RSU1: variants seen among roughly 807,000 people sequenced by gnomAD.
RSU1 encodes Ras suppressor protein 1, also known as rsu-1.
A neutral mutation model predicts 31.1 loss-of-function variants in RSU1; 26 were observed. The observed-to-expected ratio is 0.84, with a 90% confidence interval of 0.61 to 1.16. The LOEUF (loss-of-function observed/expected upper bound fraction) is 1.16, where lower values mean the gene tolerates loss of function less well. Among genes scored for constraint, RSU1 ranks in the 50% most tolerant of loss-of-function variants. RSU1 has a pLI of 0.00. For missense variants in RSU1, 320 were observed against 339.1 expected, an observed-to-expected ratio of 0.94 and a Z score of 0.44; for synonymous variants, 164 against 136.3, an observed-to-expected ratio of 1.20 and a Z score of -1.41.
At chr10:16,610,906 T>C (rs1000476534) in intron 8 of RSU1, among the ~76,000 whole-genome samples, 2 of 152,166 alleles carry the variant, frequency 1.3e-5, no homozygotes, top group Admixed American at 1.3e-4. Context: ...CCCGTTTACC[T>C]AGAGATTTTC....
At chr10:16,700,545 CACATAG>C (rs1331784093) in intron 7 of RSU1, among the ~76,000 whole-genome samples, 2 of 152,184 alleles carry the variant, frequency 1.3e-5, no homozygotes, top group East Asian at 3.8e-4. Context: ...GGGACTCTCC[CACATAG>C]ACAAAGATTC....
intron 8 of RSU1, among the ~76,000 whole-genome samples, chr10:16,640,162 G>C (rs1182579010): frequency 6.6e-6 from 1 of 152,002 alleles, no homozygotes; most frequent in African/African-American, 2.4e-5. Context: ...GAGAGGGAGA[G>C]AAAGAGGATA....
intron 7 of RSU1, among the ~76,000 whole-genome samples, chr10:16,719,336 A>G (rs1836208416): frequency 6.6e-6 from 1 of 152,012 alleles, no homozygotes; most frequent in Non-Finnish European, 1.5e-5. Flanking sequence ...GAAAAACCCC[A>G]ATGTCATTCA....
In RSU1 at chr10:16,593,448, ATTC is replaced by A. The variant is rs1462614860; in HGVS notation, c.777_779del (p.Lys259del). ...GGCTGATCTTTTTCGATTTGTCATT[ATTC>A]TTCTTCGGTGGTTCTGGGTTGGCCT... On this transcript the variant is annotated inframe_deletion, in exon 9 of 9. Coordinates refer to ENST00000345264, the MANE Select transcript of RSU1 (RefSeq NM_012425.4). 2.5e-6 allele frequency: 4 copies of A among 1,614,066 alleles called. No individual in the cohort carries two copies. Among genetic ancestry groups the A allele is most frequent in the South Asian group, 1.1e-5 (1 of 91,064 alleles).
At chr10:16,709,068 A>C (rs777767065) in intron 7 of RSU1, among the ~76,000 whole-genome samples, 7 of 151,834 alleles carry the variant, frequency 4.6e-5, no homozygotes, top group Admixed American at 2.0e-4. Context: ...ATATGTATAC[A>C]TGTGCCATGC....
intron 8 of RSU1, among the ~76,000 whole-genome samples, chr10:16,622,677 T>A (rs1363094531): frequency 6.6e-6 from 1 of 152,194 alleles, no homozygotes; most frequent in Non-Finnish European, 1.5e-5. Context: ...CCCTGAAAGA[T>A]GAGCCTAAAT....
intron 7 of RSU1, among the ~76,000 whole-genome samples, chr10:16,737,136 G>A (rs554694393): frequency 2.6e-5 from 4 of 151,970 alleles, no homozygotes; most frequent in Admixed American, 6.6e-5. Flanking sequence ...GTAAGTTCTA[G>A]GAGAGGAGAG....
intron 2 of RSU1, among the ~76,000 whole-genome samples, chr10:16,815,826 G>A (rs1838516733): frequency 6.6e-6 from 1 of 152,206 alleles, no homozygotes; most frequent in South Asian, 2.1e-4. Flanking sequence ...CTGACTCTTA[G>A]AAGTAAAAGG....
At chr10:16,769,823 C>T (rs566313540) in intron 3 of RSU1, among the ~76,000 whole-genome samples, 2 of 152,308 alleles carry the variant, frequency 1.3e-5, no homozygotes, top group East Asian at 3.9e-4. Flanking sequence ...GAACTGATGA[C>T]ACGTGAAACA....
intron 8 of RSU1, among the ~76,000 whole-genome samples, chr10:16,638,529 C>T (rs939512555): frequency 6.6e-5 from 10 of 152,108 alleles, no homozygotes; most frequent in East Asian, 3.9e-4. Flanking sequence ...TCTTTGCTTC[C>T]GCACAAGGAC....
chr10:16,706,493 TA>T (rs1432340144), intron 7 of RSU1, among the ~76,000 whole-genome samples: 6 of 152,240 alleles, frequency 3.9e-5, no homozygotes, highest in Non-Finnish European at 8.8e-5. Flanking sequence ...CTATATACTC[TA>T]AATTTTAATC....
At chr10:16,750,035 T>C (rs1836942949) in intron 7 of RSU1, among the ~76,000 whole-genome samples, 1 of 152,202 alleles carries the variant, frequency 6.6e-6, no homozygotes, top group Admixed American at 6.5e-5. Context: ...TATGCCTCAG[T>C]GTCCTCATCT....
At chr10:16,757,125 GT>G (rs1837109902) in intron 4 of RSU1, among the ~76,000 whole-genome samples, 1 of 151,724 alleles carries the variant, frequency 6.6e-6, no homozygotes, top group African/African-American at 2.4e-5. Context: ...GCGTGTGTGT[GT>G]GTGGGCGTGT....
intron 8 of RSU1, among the ~76,000 whole-genome samples, chr10:16,625,702 A>G (rs967382131): frequency 1.3e-5 from 2 of 152,190 alleles, no homozygotes; most frequent in African/African-American, 4.8e-5. Flanking sequence ...AGGTAATGAG[A>G]AAGAAAGTGG....
intron 8 of RSU1, among the ~76,000 whole-genome samples, chr10:16,634,309 A>C (rs1010958336): frequency 3.9e-5 from 6 of 152,368 alleles, no homozygotes; most frequent in African/African-American, 1.4e-4. Context: ...GCAGTACTGC[A>C]AAAGTAATAG....
rs1588507759 is a variant in RSU1, at chr10:16,744,414, G to A, written c.598+8125C>T. 3.3e-5 allele frequency among the ~76,000 whole-genome samples: 5 copies of A among 152,146 alleles called. No homozygotes were observed. In the South Asian group the frequency reaches 1.0e-3, roughly 32 times the overall value. On this transcript the variant is annotated intron_variant, in intron 7 of 8. Coordinates refer to ENST00000345264, the MANE Select transcript of RSU1 (RefSeq NM_012425.4). Reference sequence around the variant, plus strand: ...TGGGAGAATAAAAAAAATCCCCAATGAAATAAGCGCTGTCACAAAAGGTAA... The same window carrying A: ...TGGGAGAATAAAAAAAATCCCCAATAAAATAAGCGCTGTCACAAAAGGTAA...
intron 8 of RSU1, among the ~76,000 whole-genome samples, chr10:16,649,256 A>G (rs1834634956): frequency 6.6e-6 from 1 of 152,252 alleles, no homozygotes; most frequent in Non-Finnish European, 1.5e-5. Flanking sequence ...CATATTCAGC[A>G]TGTATGAAAA....
chr10:16,729,727 G>A (rs1031539643), intron 7 of RSU1, among the ~76,000 whole-genome samples: 2 of 152,154 alleles, frequency 1.3e-5, no homozygotes, highest in African/African-American at 4.8e-5. Flanking sequence ...CACTGTTTAT[G>A]TCAAAGATTG....
intron 8 of RSU1, among the ~76,000 whole-genome samples, chr10:16,599,520 C>T (rs1369085021): frequency 2.6e-5 from 4 of 152,180 alleles, no homozygotes; most frequent in South Asian, 2.1e-4. Flanking sequence ...CCTCTGCCTT[C>T]GACACCCTAC....
Sources: gnomAD v4.1 joint callset for allele counts (sites outside exome capture counted in the v4.1 genomes callset) on GRCh38, gnomAD v4.1.1 for gene constraint, MANE v1.5 for transcripts, NCBI Gene and HGNC (gene_info 2026-07-23, HGNC 2026-07-21) for gene names.